MOXD1: variants seen among roughly 807,000 people sequenced by gnomAD.
MOXD1 encodes the protein monooxygenase DBH like 1, also known as DBH-like monooxygenase protein 1.
A neutral mutation model predicts 66.6 loss-of-function variants in MOXD1; 62 were observed. The observed-to-expected ratio is 0.93, with a 90% confidence interval of 0.76 to 1.15. The LOEUF (loss-of-function observed/expected upper bound fraction) is 1.15. Among genes scored for constraint, MOXD1 ranks in the 50% most tolerant of loss-of-function variants. The probability of loss-of-function intolerance (pLI) is 0.00; values close to 1 mark genes in which losing one functional copy is unlikely to be tolerated. For missense variants in MOXD1, 847 were observed against 754.6 expected, an observed-to-expected ratio of 1.12 and a Z score of -1.44; for synonymous variants, 303 against 281.9, an observed-to-expected ratio of 1.07 and a Z score of -0.75.
intron 1 of MOXD1, among the ~76,000 whole-genome samples, chr6:132,399,196 T>TA: frequency 6.6e-6 from 1 of 152,186 alleles, no homozygotes; most frequent in Admixed American, 6.5e-5. Context: ...TTGAATAGCA[T>TA]AATTTTAATG....
At chr6:132,335,361 G>A (rs1775416138) in intron 4 of MOXD1, among the ~76,000 whole-genome samples, 1 of 152,126 alleles carries the variant, frequency 6.6e-6, no homozygotes, top group Non-Finnish European at 1.5e-5. Flanking sequence ...CCTCAGAAGG[G>A]GACCTTATTT....
intron 10 of MOXD1, among the ~76,000 whole-genome samples, chr6:132,299,223 T>C (rs887259475): frequency 1.3e-5 from 2 of 152,030 alleles, no homozygotes; most frequent in African/African-American, 4.8e-5. Flanking sequence ...GATCTAATCA[T>C]TGAATACACA....
At chr6:132,379,872 G>A (rs1254641330) in intron 1 of MOXD1, among the ~76,000 whole-genome samples, 2 of 152,190 alleles carry the variant, frequency 1.3e-5, no homozygotes, top group East Asian at 3.9e-4. Context: ...CCAGGCTAGA[G>A]TACAGTGGTG....
intron 4 of MOXD1, among the ~76,000 whole-genome samples, chr6:132,370,366 C>G (rs1264106605): frequency 3.9e-5 from 6 of 151,978 alleles, no homozygotes; most frequent in Admixed American, 3.9e-4. Flanking sequence ...CAAATGAAAA[C>G]TGGTTTTGAA....
chr6:132,315,013 G>T (rs1236407159), intron 10 of MOXD1, among the ~76,000 whole-genome samples: 1 of 152,124 alleles, frequency 6.6e-6, no homozygotes, highest in Non-Finnish European at 1.5e-5. Flanking sequence ...AATAGTAAAC[G>T]ATTTCCTATA....
intron 4 of MOXD1, among the ~76,000 whole-genome samples, chr6:132,364,645 T>G (rs1380506251): frequency 6.6e-6 from 1 of 152,146 alleles, no homozygotes; most frequent in Non-Finnish European, 1.5e-5. Flanking sequence ...CTCCTAATTT[T>G]TATCTTTATT....
At chr6:132,318,490 T>C (rs921213319) in intron 9 of MOXD1, among the ~76,000 whole-genome samples, 1 of 152,066 alleles carries the variant, frequency 6.6e-6, no homozygotes, top group African/African-American at 2.4e-5. Flanking sequence ...TTCTTTGAAA[T>C]GCTTTTGTCT....
chr6:132,323,279 C>T (rs576741116), intron 7 of MOXD1, among the ~76,000 whole-genome samples: 1 of 152,272 alleles, frequency 6.6e-6, no homozygotes, highest in Admixed American at 6.5e-5. Flanking sequence ...ATGAATCGCC[C>T]ATGGTCCTAC....
intron 4 of MOXD1, among the ~76,000 whole-genome samples, chr6:132,351,778 G>A (rs776681177): frequency 7.2e-5 from 11 of 152,042 alleles, no homozygotes; most frequent in African/African-American, 1.9e-4. Flanking sequence ...TTTATTGTTG[G>A]TAATTTTTTA....
intron 4 of MOXD1, among the ~76,000 whole-genome samples, chr6:132,331,921 G>A (rs1273888394): frequency 6.6e-6 from 1 of 152,050 alleles, no homozygotes; most frequent in African/African-American, 2.4e-5. Flanking sequence ...TCATCAACAA[G>A]GGTGATGACC....
intron 10 of MOXD1, among the ~76,000 whole-genome samples, chr6:132,308,457 A>C (rs1774747148): frequency 6.6e-6 from 1 of 152,208 alleles, no homozygotes; most frequent in Non-Finnish European, 1.5e-5. Flanking sequence ...AGGAACTGTT[A>C]CCATTCCTTC....
rs888346026 is a variant in MOXD1 at position 132,372,778 on chromosome 6, A to G, written c.579+52T>C. The G allele has an allele frequency of 3.7e-6, 6 of 1,610,180 alleles. No homozygotes were observed. In the African/African-American group the frequency reaches 5.3e-5, roughly 14 times the overall value. ...CAATAATGTAAGCAAAAATGCTCGT[A>G]TACACTTTCAATAAGCCCATCCCTA... On this transcript the variant is annotated intron_variant, in intron 3 of 11. Coordinates refer to ENST00000367963, the MANE Select transcript of MOXD1 (RefSeq NM_015529.4).
intron 4 of MOXD1, among the ~76,000 whole-genome samples, chr6:132,344,437 C>T (rs983977272): frequency 1.3e-4 from 20 of 152,092 alleles, no homozygotes; most frequent in Admixed American, 1.1e-3. Flanking sequence ...ACTCTGATAG[C>T]GGCAGGAGGC....
chr6:132,312,480 G>A (rs1774851218), intron 10 of MOXD1, among the ~76,000 whole-genome samples: 1 of 152,108 alleles, frequency 6.6e-6, no homozygotes, highest in Non-Finnish European at 1.5e-5. Flanking sequence ...TGTCACTGTG[G>A]TGATGAACTA....
At chr6:132,351,067 T>G (rs1397229075) in intron 4 of MOXD1, among the ~76,000 whole-genome samples, 1 of 152,022 alleles carries the variant, frequency 6.6e-6, no homozygotes, top group Non-Finnish European at 1.5e-5. Flanking sequence ...GTTTTCAAGG[T>G]AAATGATATC....
chr6:132,376,831 G>T (rs535660842), intron 1 of MOXD1, among the ~76,000 whole-genome samples: 1 of 152,114 alleles, frequency 6.6e-6, no homozygotes, highest in Admixed American at 6.5e-5. Context: ...CTTCTTATAT[G>T]CACCAGGCCC....
chr6:132,303,886 T>TAC (rs1356464607), intron 10 of MOXD1, among the ~76,000 whole-genome samples: 5 of 84,930 alleles, frequency 5.9e-5, no homozygotes, highest in African/African-American at 2.7e-4. Flanking sequence ...TATACATATA[T>TAC]ACATAAAACC....
intron 4 of MOXD1, among the ~76,000 whole-genome samples, chr6:132,342,727 C>T (rs1775589614): frequency 6.6e-6 from 1 of 152,166 alleles, no homozygotes; most frequent in African/African-American, 2.4e-5. Flanking sequence ...AATGCACATA[C>T]AGTTCATACA....
At chr6:132,301,174 A>C (rs1399341271) in intron 10 of MOXD1, among the ~76,000 whole-genome samples, 2 of 144,858 alleles carry the variant, frequency 1.4e-5, no homozygotes, top group Non-Finnish European at 3.0e-5. Flanking sequence ...ATGTCTCTCC[A>C]TACATACATG....
Sources: gnomAD v4.1 joint callset for allele counts (sites outside exome capture counted in the v4.1 genomes callset) on GRCh38, gnomAD v4.1.1 for gene constraint, MANE v1.5 for transcripts, NCBI Gene and HGNC (gene_info 2026-07-23, HGNC 2026-07-21) for gene names.